Variants in ALPK1 observed in about 807,000 individuals in gnomAD.
ALPK1 encodes the protein alpha kinase 1.
ALPK1 carries 110 observed loss-of-function variants against 120.6 expected under a neutral mutation model. The ratio of observed to expected loss-of-function variants is 0.91; its 90% confidence interval spans 0.78 to 1.07. ALPK1 has a LOEUF of 1.07. ALPK1 is among the 50% of genes least tolerant of loss of function. ALPK1 has a pLI of 0.00. For synonymous variants in ALPK1, 582 were observed against 560.3 expected (o/e 1.04, Z -0.55); for missense variants, 1,498 against 1,483.9 (o/e 1.01, Z -0.16).
At chr4:112,390,225 C>T (rs1007636379) in intron 4 of ALPK1, among the ~76,000 whole-genome samples, 5 of 152,172 alleles carry the variant, frequency 3.3e-5, no homozygotes, top group African/African-American at 9.7e-5. Context: ...ACACTCTTAC[C>T]GGGATTATTC....
intron 2 of ALPK1, among the ~76,000 whole-genome samples, chr4:112,366,441 GA>G (rs933068028): frequency 5.3e-5 from 8 of 151,674 alleles, no homozygotes; most frequent in Middle Eastern, 3.4e-3. Flanking sequence ...CAAACATATG[GA>G]AAAAAAATGC....
At chr4:112,377,969 CG>C in intron 3 of ALPK1, 71 bp downstream of exon 3, 1 of 1,458,190 alleles carries the variant, frequency 6.9e-7, no homozygotes, top group Non-Finnish European at 9.1e-7. Context: ...CTGAACGACA[CG>C]TTCTTATCTC....
chr4:112,388,203 A>C (rs1732237751), intron 4 of ALPK1, among the ~76,000 whole-genome samples: 1 of 152,068 alleles, frequency 6.6e-6, no homozygotes, highest in Non-Finnish European at 1.5e-5. Flanking sequence ...TTTTGTTTTT[A>C]TACTACTTAA....
chr4:112,402,756 G>A (rs1365251678), intron 4 of ALPK1, among the ~76,000 whole-genome samples: 4 of 152,104 alleles, frequency 2.6e-5, no homozygotes, highest in Admixed American at 2.0e-4. Flanking sequence ...TTGCTATTTG[G>A]ACAATCTTCC....
At chr4:112,357,807 T>A in intron 2 of ALPK1, 1 of 1,021,082 alleles carries the variant, frequency 9.8e-7, no homozygotes. Flanking sequence ...TCCCTTCATA[T>A]CCCATCATGG....
intron 6 of ALPK1, 123 bp from the exon 7 acceptor site, chr4:112,425,542 G>A: frequency 1.3e-6 from 1 of 777,918 alleles, no homozygotes; most frequent in Non-Finnish European, 2.1e-6. Context: ...GATTCTAAAT[G>A]TAGAGACGAG....
rs768671654 is a variant in ALPK1, at chr4:112,431,813, G to A, written c.2266G>A (p.Asp756Asn). The A allele has an allele frequency of 1.7e-5, 27 of 1,614,006 alleles. 1 individual carries two copies. Among genetic ancestry groups the A allele is most frequent in the Middle Eastern group, 1.6e-4 (1 of 6,084 alleles). Reference sequence around the variant, plus strand: ...TGTTGAGTTTCCAGAAACCAACTGCGATGTCAAAGACAGGCAGGGGAAAGA... The same window carrying A: ...TGTTGAGTTTCCAGAAACCAACTGCAATGTCAAAGACAGGCAGGGGAAAGA... ...IIVEFPETNC[D>N]VKDRQGKEQG... Residue 756 changes from aspartate to asparagine, a missense_variant, in exon 11 of 16, where the codon GAT becomes AAT. Coordinates refer to ENST00000650871, the MANE Select transcript of ALPK1 (RefSeq NM_025144.4).
chr4:112,370,089 A>G (rs1282876640), intron 2 of ALPK1, among the ~76,000 whole-genome samples: 1 of 152,218 alleles, frequency 6.6e-6, no homozygotes, highest in African/African-American at 2.4e-5. Context: ...CTAATTGTCC[A>G]GTGAAAAAGA....
intron 2 of ALPK1, among the ~76,000 whole-genome samples, chr4:112,337,999 C>G (rs1228527963): frequency 7.2e-5 from 11 of 152,186 alleles, no homozygotes; most frequent in South Asian, 2.1e-4. Context: ...GGGAGTATCA[C>G]TCTGTCGCCC....
chr4:112,303,770 G>T (rs541297611), intron 1 of ALPK1, among the ~76,000 whole-genome samples: 52 of 151,182 alleles, frequency 3.4e-4, no homozygotes, highest in Non-Finnish European at 6.2e-4. Context: ...CAACATGCAG[G>T]TTTGTTTCTA....
At chr4:112,412,320 C>A (rs1733519142) in intron 5 of ALPK1, 2 of 569,100 alleles carry the variant, frequency 3.5e-6, no homozygotes, top group Admixed American at 2.2e-5. Flanking sequence ...TGCTTTCAAA[C>A]AGGGGTATCT....
intron 1 of ALPK1, among the ~76,000 whole-genome samples, chr4:112,312,315 C>T (rs557283202): frequency 6.6e-6 from 1 of 151,906 alleles, no homozygotes; most frequent in Non-Finnish European, 1.5e-5. Flanking sequence ...GCTCTGTCGC[C>T]CAGGCTGGAG....
intron 5 of ALPK1, among the ~76,000 whole-genome samples, chr4:112,421,389 G>A (rs1245829943): frequency 6.6e-6 from 1 of 152,150 alleles, no homozygotes; most frequent in Non-Finnish European, 1.5e-5. Flanking sequence ...TCTTTCGCTT[G>A]GTCAGAGGGT....
At chr4:112,358,878 C>T (rs1482986879) in intron 2 of ALPK1, 1 of 774,794 alleles carries the variant, frequency 1.3e-6, no homozygotes, top group Non-Finnish European at 2.4e-6. Flanking sequence ...CTTTGCTGCC[C>T]TGGCGACCTG....
In ALPK1 at chr4:112,308,048, G is replaced by A. The variant is rs187366892; in HGVS notation, c.-152-7753G>A. Among the ~76,000 whole-genome samples, 1,417 of 152,050 alleles carry A rather than the reference G, an allele frequency of 9.3e-3. 10 individuals carry two copies. The highest frequency in any genetic ancestry group is 0.022 in the South Asian group (104 of 4,812). ...AAATGAAATTCTGGGTTGAAAATTCGTTTCTTTAAGAATGTTGAATATTGG... is the reference window on the plus strand; with the variant it reads ...AAATGAAATTCTGGGTTGAAAATTCATTTCTTTAAGAATGTTGAATATTGG... On this transcript the variant is annotated intron_variant, in intron 1 of 15. Transcript: ENST00000650871.
intron 2 of ALPK1, among the ~76,000 whole-genome samples, chr4:112,317,346 C>A (rs953660461): frequency 6.6e-5 from 10 of 152,176 alleles, no homozygotes; most frequent in Admixed American, 1.3e-4. Flanking sequence ...CCTATGTGTT[C>A]TTCTAAGAGT....
chr4:112,388,333 G>A (rs866663162), intron 4 of ALPK1, among the ~76,000 whole-genome samples: 9 of 152,090 alleles, frequency 5.9e-5, no homozygotes, highest in African/African-American at 2.2e-4. Flanking sequence ...TGAGCTCAGG[G>A]GATGGAGGAG....
At chr4:112,379,888 G>C (rs1328907575) in intron 3 of ALPK1, among the ~76,000 whole-genome samples, 1 of 152,196 alleles carries the variant, frequency 6.6e-6, no homozygotes, top group Non-Finnish European at 1.5e-5. Flanking sequence ...GACGTGAGGT[G>C]TGGGGAAAGG....
chr4:112,322,443 A>G (rs1363220325), intron 2 of ALPK1, among the ~76,000 whole-genome samples: 3 of 152,354 alleles, frequency 2.0e-5, no homozygotes, highest in Non-Finnish European at 4.4e-5. Flanking sequence ...AATGCACAGG[A>G]TTAATCAACA....
Sources: gnomAD v4.1 joint callset for allele counts (sites outside exome capture counted in the v4.1 genomes callset) on GRCh38, gnomAD v4.1.1 for gene constraint, MANE v1.5 for transcripts, NCBI Gene and HGNC (gene_info 2026-07-23, HGNC 2026-07-21) for gene names.